Variants in PWWP4 observed in about 807,000 individuals in gnomAD.
PWWP4 encodes the protein PWWP domain containing 4, also known as putative PWWP domain-containing DNA repair factor 4.
At position 153,275,683 on chromosome X, in the gene PWWP4, T is replaced by C. The variant is rs1276313082; in HGVS notation, c.4066T>C (p.Ser1356Pro). 2.8e-4 allele frequency among the ~76,000 whole-genome samples: 24 copies of C among 86,291 alleles called. 2 individuals carry two copies. Among genetic ancestry groups the C allele is most frequent in the Middle Eastern group, 8.3e-3 (1 of 120 alleles). The allele number at this position is 86,291 out of a possible 115,157, so 74.9% of individuals were successfully genotyped here. The change falls in exon 1 of 1, where the codon TCT becomes CCT. Residue 1356 changes from serine (S) to proline (P), a missense_variant. By Grantham distance (74) the Ser-to-Pro change is moderately conservative. Coordinates refer to ENST00000458091, the Ensembl canonical transcript of PWWP4. ...GTCACCAGCACACACGGCCATTGCTTCTACTCCAGGAGCCCTGCATGGTGA... is the reference window on the plus strand; with the variant it reads ...GTCACCAGCACACACGGCCATTGCTCCTACTCCAGGAGCCCTGCATGGTGA...
chrX:153,266,548 G>A, the PWWP4 span, among the ~76,000 whole-genome samples: 1 of 109,086 alleles, frequency 9.2e-6, no homozygotes, highest in Non-Finnish European at 1.9e-5. Flanking sequence ...TGTGTGTGAG[G>A]AAGTATGTGT....
At chrX:153,270,995 AC>A (rs1290221554), upstream of PWWP4, among the ~76,000 whole-genome samples, 1 of 98,547 alleles carries the variant, frequency 1.0e-5, no homozygotes, top group Admixed American at 1.2e-4. Flanking sequence ...TGGTGCCGAC[AC>A]CCAGCATCTG....
exon 1 of PWWP4, among the ~76,000 whole-genome samples, chrX:153,275,348 G>A (rs1402220762): frequency 1.9e-5 from 1 of 51,469 alleles, no homozygotes; most frequent in Non-Finnish European, 3.7e-5. Context: ...GACAGGTCAC[G>A]GAAACACAAG....
upstream of PWWP4, among the ~76,000 whole-genome samples, chrX:153,269,873 G>A (rs2051800759): frequency 1.8e-5 from 2 of 112,594 alleles, no homozygotes; most frequent in African/African-American, 6.4e-5. Context: ...ACACAAATGA[G>A]GTAGGAACAC....
chrX:153,276,455 T>C (rs1167663563), exon 1 of PWWP4, among the ~76,000 whole-genome samples: 2 of 65,164 alleles, frequency 3.1e-5, no homozygotes, highest in African/African-American at 1.2e-4. Flanking sequence ...GCCTCGACTC[T>C]TATGTCCCTG....
chrX:153,266,581 G>T, the PWWP4 span, among the ~76,000 whole-genome samples: 1 of 109,340 alleles, frequency 9.1e-6, no homozygotes, highest in Non-Finnish European at 1.9e-5. Flanking sequence ...GTGAATGTGT[G>T]TGGCATTGAG....
At chrX:153,266,309 G>A in the PWWP4 span, among the ~76,000 whole-genome samples, 1 of 101,740 alleles carries the variant, frequency 9.8e-6, no homozygotes, top group African/African-American at 3.9e-5. Context: ...GTGTCTGTGT[G>A]TGTGTGTGTG....
upstream of PWWP4, among the ~76,000 whole-genome samples, chrX:153,271,345 T>C (rs2051805793): frequency 9.1e-6 from 1 of 109,367 alleles, no homozygotes; most frequent in Non-Finnish European, 1.9e-5. Flanking sequence ...AGCAGGGTGC[T>C]TCGCGTTTCA....
chrX:153,266,706 G>A (rs1250658297), upstream of PWWP4, among the ~76,000 whole-genome samples: 1 of 82,834 alleles, frequency 1.2e-5, no homozygotes, highest in South Asian at 6.5e-4. Context: ...AAGGAATGTC[G>A]CAGGTCTCCT....
upstream of PWWP4, among the ~76,000 whole-genome samples, chrX:153,271,189 G>A (rs1281265801): frequency 8.0e-4 from 92 of 114,351 alleles, no homozygotes; most frequent in Non-Finnish European, 1.4e-3. Flanking sequence ...CCTCAAGACG[G>A]AATTGTTAAA....
exon 1 of PWWP4, among the ~76,000 whole-genome samples, chrX:153,271,780 G>A (rs1810074695): frequency 1.3e-5 from 1 of 77,341 alleles, no homozygotes; most frequent in Non-Finnish European, 2.3e-5. Context: ...AAGCACAGAC[G>A]TGAAGACCCC....
rs1486115344 is a variant in PWWP4, at chrX:153,272,445, C to CG, written c.832dup (p.Asp278GlyfsTer10). On this transcript the variant is annotated frameshift_variant, in exon 1 of 1. Transcript: ENST00000458091. LOFTEE classifies it high-confidence loss of function. ...TTGCCCCCAAACCAGGCTCCCTGTG[C>CG]GGGGACAGGTCACAGGCGAGCAGGG... is the stretch of plus-strand genomic sequence containing the variant. Among the ~76,000 whole-genome samples the CG allele has an allele frequency of 9.5e-6, 1 of 105,285 alleles. No homozygotes were observed. The highest frequency in any genetic ancestry group is 3.5e-5 in the African/African-American group (1 of 28,798). 91.4% of individuals were successfully genotyped at this position (105,285 alleles called of 115,157 possible).
At chrX:153,266,417 GTGTGTGTGGA>G in the PWWP4 span, among the ~76,000 whole-genome samples, 5 of 97,906 alleles carry the variant, frequency 5.1e-5, no homozygotes, top group Admixed American at 2.3e-4. Flanking sequence ...GTTTGGGGGT[GTGTGTGTGGA>G]TGTGTGTGGA....
chrX:153,270,176 T>TTCTCTCTCTC (rs1184739253), upstream of PWWP4, among the ~76,000 whole-genome samples: 7 of 102,627 alleles, frequency 6.8e-5, no homozygotes, highest in Admixed American at 3.2e-4. Context: ...CACATTTCAT[T>TTCTCTCTCTC]TCTCTCTCTC....
At chrX:153,270,232 G>GAGGA (rs1189427779), upstream of PWWP4, among the ~76,000 whole-genome samples, 3 of 105,009 alleles carry the variant, frequency 2.9e-5, no homozygotes, top group Non-Finnish European at 5.8e-5. Flanking sequence ...GAGAGAGAGA[G>GAGGA]GAGAGAGAGA....
At chrX:153,266,563 G>T in the PWWP4 span, among the ~76,000 whole-genome samples, 1 of 108,055 alleles carries the variant, frequency 9.3e-6, no homozygotes, top group Non-Finnish European at 1.9e-5. Context: ...ATGTGTCTCT[G>T]TGTGTGTGTG....
upstream of PWWP4, among the ~76,000 whole-genome samples, chrX:153,270,233 G>GAGAGC (rs2051802393): frequency 3.1e-5 from 3 of 97,363 alleles, no homozygotes; most frequent in African/African-American, 1.2e-4. Context: ...AGAGAGAGAG[G>GAGAGC]AGAGAGAGAG....
exon 1 of PWWP4, among the ~76,000 whole-genome samples, chrX:153,271,788 C>A (rs2051807476): frequency 1.3e-5 from 1 of 75,470 alleles, no homozygotes; most frequent in Non-Finnish European, 2.4e-5. Flanking sequence ...ACGTGAAGAC[C>A]CCAACTAAGT....
At chrX:153,270,176 TTCTCTC>T (rs1184739253), upstream of PWWP4, among the ~76,000 whole-genome samples, 4 of 102,601 alleles carry the variant, frequency 3.9e-5, no homozygotes, top group Admixed American at 1.1e-4. Context: ...CACATTTCAT[TTCTCTC>T]TCTCTCTCTC....
Sources: allele counts gnomAD v4.1 joint callset (sites outside exome capture counted in the v4.1 genomes callset), GRCh38; gene constraint gnomAD v4.1.1; transcripts MANE v1.5; gene names NCBI Gene and HGNC (gene_info 2026-07-23, HGNC 2026-07-21).